The following PTPRN2 variants were observed in gnomAD, a reference collection of about 807,000 sequenced individuals.
The protein encoded by PTPRN2 is protein tyrosine phosphatase receptor type N2, also known as receptor-type tyrosine-protein phosphatase N2.
PTPRN2 carries 74 observed loss-of-function variants against 118.8 expected under a neutral mutation model. The ratio of observed to expected loss-of-function variants is 0.62; its 90% CI spans 0.52 to 0.76. PTPRN2 has a LOEUF of 0.76. Among genes scored for constraint, PTPRN2 ranks in the 30% least tolerant of loss-of-function variants. PTPRN2 has a pLI of 0.00. For synonymous variants in PTPRN2, 641 were observed against 608.0 expected (o/e 1.05, Z -0.80); for missense variants, 1,481 against 1,394.4 (o/e 1.06, Z -0.99).
intron 11 of PTPRN2, among the ~76,000 whole-genome samples, chr7:157,995,692 G>A (rs369488645): frequency 9.2e-5 from 14 of 152,374 alleles, no homozygotes; most frequent in Admixed American, 1.3e-4. Context: ...TTGCCTCAGC[G>A]TCCACATGAG....
intron 12 of PTPRN2, among the ~76,000 whole-genome samples, chr7:157,762,613 A>T (rs1377406237): frequency 2.3e-5 from 2 of 87,982 alleles, no homozygotes; most frequent in African/African-American, 9.0e-5. Flanking sequence ...GGGAGGGGGG[A>T]GGGATAGCAA....
chr7:158,503,553 C>G (rs1179030200), intron 1 of PTPRN2, among the ~76,000 whole-genome samples: 1 of 152,216 alleles, frequency 6.6e-6, no homozygotes, highest in African/African-American at 2.4e-5. Context: ...GCCGGCACCA[C>G]AAGAATGGAG....
Position 157,927,308 on chromosome 7 carries a change from G to A in PTPRN2, c.1724-28571C>T, listed in dbSNP as rs1438576204. Among the ~76,000 whole-genome samples, 13 of 55,734 alleles carry A rather than the reference G, an allele frequency of 2.3e-4. 1 individual carries two copies. Among genetic ancestry groups the A allele is most frequent in the African/African-American group, 1.3e-3 (12 of 9,534 alleles). 36.6% of individuals were successfully genotyped at this position (55,734 alleles called of 152,430 possible). On this transcript the variant is annotated intron_variant, in intron 11 of 22. Transcript: ENST00000389418. Reference sequence around the variant, plus strand: ...ACCCGTCTGAGAGCAGAGACCTCATGTCTTCTGGGACCCCAAGACAGGAAG... The same window carrying A: ...ACCCGTCTGAGAGCAGAGACCTCATATCTTCTGGGACCCCAAGACAGGAAG...
intron 3 of PTPRN2, among the ~76,000 whole-genome samples, chr7:158,285,386 C>A (rs1377095560): frequency 6.6e-6 from 1 of 152,202 alleles, no homozygotes; most frequent in Non-Finnish European, 1.5e-5. Flanking sequence ...CAGCAAATGA[C>A]AATAGCCACT....
chr7:158,119,028 G>T (rs1816942141), intron 9 of PTPRN2, among the ~76,000 whole-genome samples: 2 of 152,184 alleles, frequency 1.3e-5, no homozygotes, highest in Admixed American at 1.3e-4. Flanking sequence ...ATAAGAGATA[G>T]CACTGTGAGT....
In PTPRN2 at chr7:157,560,994, G is replaced by T. The variant is rs997113416; in HGVS notation, c.2902+7908C>A. Among the ~76,000 whole-genome samples the T allele has an allele frequency of 1.3e-5, 2 of 152,172 alleles. No individual in the cohort carries two copies. Among genetic ancestry groups the T allele is most frequent in the African/African-American group, 4.8e-5 (2 of 41,436 alleles). On this transcript the variant is annotated intron_variant, in intron 21 of 22. Transcript: ENST00000389418. The surrounding 1 kb of genome is among the most constrained non-coding windows in gnomAD (Gnocchi z 6.7). The stretch of plus-strand genomic sequence containing the variant: ...TGCCTGCGCCCAAATGTGTGGCTCT[G>T]TCTGGCTCAACCCTCTCCTGGGCCC...
chr7:157,951,110 G>A (rs1221261281), intron 11 of PTPRN2, among the ~76,000 whole-genome samples: 1 of 152,044 alleles, frequency 6.6e-6, no homozygotes, highest in African/African-American at 2.4e-5. Flanking sequence ...CCCAACCCAG[G>A]AAACCCTCCC....
rs1289092575 is a variant in PTPRN2 at position 158,544,113 on chromosome 7, G to C, written c.112+43445C>G. Among the ~76,000 whole-genome samples the C allele has an allele frequency of 1.3e-5, 2 of 152,148 alleles. No individual in the cohort carries two copies. Among genetic ancestry groups the C allele is most frequent in the Admixed American group, 1.3e-4 (2 of 15,274 alleles). ...GCTCAGGAGTGCACCCGGTGGAGGG[G>C]GATATGTACACCCGCCTGGGAGGGG... is the stretch of plus-strand genomic sequence containing the variant. On this transcript the variant is annotated intron_variant, in intron 1 of 22. Transcript: ENST00000389418. The surrounding 1 kb of genome is among the most constrained non-coding windows in gnomAD (Gnocchi z 4.2).
rs188107551 is a variant in PTPRN2 at position 157,650,994 on chromosome 7, G to A, written c.2196+5363C>T. 1.2e-4 allele frequency among the ~76,000 whole-genome samples: 18 copies of A among 152,364 alleles called. No individual in the cohort carries two copies. The South Asian group carries it at 1.2e-3, about 11-fold the overall frequency. ...GCAGGAGGGCCGAAGTTCAGAGGCC[G>A]TGAGCCGTGTGGGTCTGAGGAGGTC... On this transcript the variant is annotated intron_variant, in intron 14 of 22. Coordinates refer to ENST00000389418, the MANE Select transcript of PTPRN2 (RefSeq NM_002847.5).
chr7:157,995,416 T>G (rs918145108), intron 11 of PTPRN2, among the ~76,000 whole-genome samples: 1 of 152,252 alleles, frequency 6.6e-6, no homozygotes, highest in Non-Finnish European at 1.5e-5. Context: ...GGTTTCTATC[T>G]GGTTTTATTT....
At chr7:158,138,723 C>T (rs1220569038) in intron 6 of PTPRN2, among the ~76,000 whole-genome samples, 3 of 152,202 alleles carry the variant, frequency 2.0e-5, no homozygotes, top group Non-Finnish European at 4.4e-5. Flanking sequence ...TAGTTCAGTT[C>T]CCCAGAGGTG....
At chr7:157,856,572 C>G (rs1563177234) in intron 12 of PTPRN2, among the ~76,000 whole-genome samples, 1 of 152,340 alleles carries the variant, frequency 6.6e-6, no homozygotes, top group Non-Finnish European at 1.5e-5. Flanking sequence ...TTTCTCCTGG[C>G]TTTATTACAA....
intron 12 of PTPRN2, among the ~76,000 whole-genome samples, chr7:157,807,150 C>T (rs911543186): frequency 7.9e-5 from 12 of 152,228 alleles, no homozygotes; most frequent in African/African-American, 2.9e-4. Flanking sequence ...TGTAGGTGAA[C>T]GGTTTGTACC....
intron 12 of PTPRN2, among the ~76,000 whole-genome samples, chr7:157,806,719 C>T (rs1805658034): frequency 1.3e-5 from 2 of 152,198 alleles, no homozygotes; most frequent in South Asian, 4.1e-4. Flanking sequence ...TCTGAGGAGG[C>T]CAGGATGATT....
chr7:157,768,993 G>A (rs754318861), intron 12 of PTPRN2, among the ~76,000 whole-genome samples: 5 of 152,196 alleles, frequency 3.3e-5, no homozygotes, highest in Non-Finnish European at 7.3e-5. Context: ...GTGTGCTGAC[G>A]CTGGCATCAG....
chr7:157,646,803 C>T (rs1021509174), intron 14 of PTPRN2, among the ~76,000 whole-genome samples: 42 of 152,240 alleles, frequency 2.8e-4, no homozygotes, highest in African/African-American at 8.9e-4. Context: ...TGCACCGGGC[C>T]CAAAGGCCAT....
chr7:157,563,510 C>T (rs552133387), intron 21 of PTPRN2, among the ~76,000 whole-genome samples: 5 of 122,658 alleles, frequency 4.1e-5, no homozygotes, highest in Admixed American at 8.2e-5. Context: ...CACGTGGTCC[C>T]GCATCACCAC....
intron 2 of PTPRN2, among the ~76,000 whole-genome samples, chr7:158,437,744 C>T (rs1026638217): frequency 2.0e-5 from 3 of 152,236 alleles, no homozygotes; most frequent in African/African-American, 7.2e-5. Context: ...TGCCAGAAAT[C>T]CTGCTCTGCT....
rs1382958676 is a variant in PTPRN2 at position 158,022,617 on chromosome 7, C to G, written c.1723+58681G>C. On this transcript the variant is annotated intron_variant, in intron 11 of 22. Coordinates refer to ENST00000389418, the MANE Select transcript of PTPRN2 (RefSeq NM_002847.5). The surrounding 1 kb of genome is among the most constrained non-coding windows in gnomAD (Gnocchi z 4.6). ...TGTGTTCATAGCCAAGGCCCCGGCA[C>G]CCGGGCACTCTGTCTGGGGCAGCCT... is the stretch of plus-strand genomic sequence containing the variant. Among the ~76,000 whole-genome samples, 1 of 141,478 alleles carries G rather than the reference C, an allele frequency of 7.1e-6. No homozygotes were observed. Among genetic ancestry groups the G allele is most frequent in the Non-Finnish European group, 1.6e-5 (1 of 63,786 alleles). The allele number at this position is 141,478 out of a possible 152,430, so 92.8% of individuals were successfully genotyped here.
Sources: gnomAD v4.1 joint callset for allele counts (sites outside exome capture counted in the v4.1 genomes callset) on GRCh38, gnomAD v4.1.1 for gene constraint, Gnocchi (gnomAD v3.1) non-coding constraint, MANE v1.5 for transcripts, NCBI Gene and HGNC (gene_info 2026-07-23, HGNC 2026-07-21) for gene names.